PTPRT: variants seen among roughly 807,000 people sequenced by gnomAD.
The protein encoded by PTPRT is protein tyrosine phosphatase receptor type T.
A neutral mutation model predicts 176.8 loss-of-function variants in PTPRT; 56 were observed. The observed-to-expected ratio is 0.32, with a 90% confidence interval of 0.26 to 0.40. The LOEUF is 0.40. Ranked by LOEUF, PTPRT falls within the 10% of genes least tolerant of loss-of-function variation. PTPRT has a pLI of 1.00. For synonymous variants in PTPRT, 783 were observed against 739.0 expected, an observed-to-expected ratio of 1.06 and a Z score of -0.96; for missense variants, 1,540 against 1,908.2, an observed-to-expected ratio of 0.81 and a Z score of 3.60.
At chr20:42,235,159 A>T (rs2056215691) in intron 15 of PTPRT, among the ~76,000 whole-genome samples, 1 of 152,184 alleles carries the variant, frequency 6.6e-6, no homozygotes, top group African/African-American at 2.4e-5. Flanking sequence ...GGACTAGTTC[A>T]GGGGCTTTCT....
At chr20:42,728,904 A>G (rs1437062426) in intron 6 of PTPRT, among the ~76,000 whole-genome samples, 2 of 152,200 alleles carry the variant, frequency 1.3e-5, no homozygotes, top group African/African-American at 4.8e-5. Context: ...GTACCTACAT[A>G]TGTTTAATGA....
At chr20:43,134,488 AC>A (rs2013760458) in intron 1 of PTPRT, among the ~76,000 whole-genome samples, 1 of 151,806 alleles carries the variant, frequency 6.6e-6, no homozygotes, top group Admixed American at 6.6e-5. Context: ...AATTCCCCTT[AC>A]CCCTCATGTT....
intron 1 of PTPRT, among the ~76,000 whole-genome samples, chr20:43,156,050 C>CA (rs2146430882): frequency 6.6e-6 from 1 of 152,318 alleles, no homozygotes; most frequent in Admixed American, 6.5e-5. Context: ...CTATTCACGA[C>CA]ACCTCCAAGC....
chr20:42,868,025 T>G (rs532133283), intron 2 of PTPRT, among the ~76,000 whole-genome samples: 1 of 152,296 alleles, frequency 6.6e-6, no homozygotes, highest in East Asian at 1.9e-4. Context: ...GCAATATGAA[T>G]GGACAAGACG....
At chr20:42,393,870 G>A (rs1468999076) in intron 9 of PTPRT, among the ~76,000 whole-genome samples, 2 of 152,148 alleles carry the variant, frequency 1.3e-5, no homozygotes, top group African/African-American at 2.4e-5. Context: ...ATTCGCAAGC[G>A]TTGGGTGAGT....
intron 1 of PTPRT, among the ~76,000 whole-genome samples, chr20:42,995,694 A>G (rs969858888): frequency 5.9e-5 from 9 of 151,808 alleles, no homozygotes; most frequent in Non-Finnish European, 1.0e-4. Context: ...AACTCACTAC[A>G]TTTTCCCCCA....
At chr20:42,405,455 T>G (rs1020329502) in intron 9 of PTPRT, among the ~76,000 whole-genome samples, 1 of 152,200 alleles carries the variant, frequency 6.6e-6, no homozygotes, top group African/African-American at 2.4e-5. Context: ...TGGTTTTTTG[T>G]CCTTGCGACA....
chr20:42,445,853 A>T (rs917484371), intron 9 of PTPRT, among the ~76,000 whole-genome samples: 9 of 152,182 alleles, frequency 5.9e-5, no homozygotes, highest in African/African-American at 2.2e-4. Context: ...TCTAATCTGT[A>T]CCCACCTTTG....
intron 9 of PTPRT, among the ~76,000 whole-genome samples, chr20:42,364,895 A>G (rs911483761): frequency 6.6e-6 from 1 of 152,238 alleles, no homozygotes; most frequent in African/African-American, 2.4e-5. Flanking sequence ...CGAAGGAGGC[A>G]GCGATGGGAT....
intron 1 of PTPRT, among the ~76,000 whole-genome samples, chr20:42,995,097 A>C (rs561854853): frequency 6.6e-6 from 1 of 152,230 alleles, no homozygotes; most frequent in Non-Finnish European, 1.5e-5. Context: ...CTAAGATGAA[A>C]GGACATTGGC....
chr20:42,119,854 C>G, intron 20 of PTPRT, 81 bp downstream of exon 20: 2 of 1,282,180 alleles, frequency 1.6e-6, no homozygotes, highest in Non-Finnish European at 2.2e-6. Context: ...GAGGAGAGGA[C>G]AAGCCTTGCA....
intron 7 of PTPRT, among the ~76,000 whole-genome samples, chr20:42,602,891 T>C (rs2073807413): frequency 6.6e-6 from 1 of 152,132 alleles, no homozygotes; most frequent in Non-Finnish European, 1.5e-5. Context: ...AAAATGGAAA[T>C]GATAAACATT....
intron 6 of PTPRT, among the ~76,000 whole-genome samples, chr20:42,737,406 G>A (rs150116632): frequency 7.6e-4 from 116 of 152,178 alleles, no homozygotes; most frequent in Admixed American, 2.1e-3. Context: ...CAAGGTGGGC[G>A]GATCACCTGA....
chr20:42,775,872 T>C (rs2077127875), intron 4 of PTPRT, among the ~76,000 whole-genome samples: 1 of 152,272 alleles, frequency 6.6e-6, no homozygotes, highest in South Asian at 2.1e-4. Context: ...TTTTTTGAAT[T>C]GAACGCATAT....
chr20:42,953,415 A>T lies in PTPRT; in HGVS notation c.89-67483T>A, dbSNP rs1053934667. On this transcript the variant is annotated intron_variant, in intron 1 of 30. Transcript: ENST00000373187. ...TTCGAAAGCAGATCTAACTATCTCC[A>T]AGTGCCCCTGCCATGGTACCCACTG... is the stretch of plus-strand genomic sequence containing the variant. 3.3e-5 allele frequency among the ~76,000 whole-genome samples: 5 copies of T among 152,214 alleles called. No individual in the cohort carries two copies. The South Asian group carries it at 8.3e-4, about 25-fold the overall frequency.
At chr20:42,268,016 A>G (rs1421269560) in intron 13 of PTPRT, among the ~76,000 whole-genome samples, 1 of 152,034 alleles carries the variant, frequency 6.6e-6, no homozygotes, top group African/African-American at 2.4e-5. Flanking sequence ...GCCTCCACTC[A>G]CTCCGAATGC....
intron 13 of PTPRT, among the ~76,000 whole-genome samples, chr20:42,254,202 G>A (rs1167048258): frequency 1.3e-5 from 2 of 152,224 alleles, no homozygotes; most frequent in Non-Finnish European, 2.9e-5. Context: ...GCACTGGTCA[G>A]AATGCTCTGG....
intron 7 of PTPRT, among the ~76,000 whole-genome samples, chr20:42,649,089 G>C (rs1378486474): frequency 1.3e-5 from 2 of 152,026 alleles, no homozygotes; most frequent in Admixed American, 1.3e-4. Context: ...AAAGTGCTAG[G>C]ATTACAGGCC....
rs577036782 is a variant in PTPRT at position 42,239,967 on chromosome 20, C to A, written c.2313-3709G>T. 2.6e-5 allele frequency among the ~76,000 whole-genome samples: 4 copies of A among 152,294 alleles called. No homozygotes were observed. The East Asian group carries it at 7.7e-4, about 29-fold the overall frequency. ...TTTGGACCAGTTGCAAGGCCTCCAT[C>A]CTGAGCTGGATGCTCTCACTGTCAG... On this transcript the variant is annotated intron_variant, in intron 14 of 30. Transcript: ENST00000373187.
Sources: gnomAD v4.1 joint callset for allele counts (sites outside exome capture counted in the v4.1 genomes callset) on GRCh38, gnomAD v4.1.1 for gene constraint, MANE v1.5 for transcripts, NCBI Gene and HGNC (gene_info 2026-07-23, HGNC 2026-07-21) for gene names.